The following NFIB variants were observed in gnomAD, a reference collection of about 807,000 sequenced individuals.
NFIB encodes nuclear factor I B, also known as nuclear factor 1 B-type.
Under a neutral mutation model 61.5 loss-of-function variants are expected in NFIB, and 11 were observed. That is an observed-to-expected ratio of 0.18 (90% CI 0.11 to 0.30). The LOEUF is 0.30. Among genes scored for constraint, NFIB ranks in the 10% least tolerant of loss-of-function variants. The pLI, the probability that NFIB is intolerant of heterozygous loss-of-function variation, is 1.00. For synonymous variants in NFIB, 260 were observed against 216.5 expected (o/e 1.20, Z -1.76); for missense variants, 471 against 608.9 (o/e 0.77, Z 2.38).
chr9:14,501,732 G>C, the NFIB span, among the ~76,000 whole-genome samples: 4 of 152,196 alleles, frequency 2.6e-5, no homozygotes, highest in African/African-American at 4.8e-5. Context: ...CCCCCTGCAG[G>C]GGTGCAATGA....
chr9:14,213,282 A>C (rs2050503022), intron 2 of NFIB, among the ~76,000 whole-genome samples: 1 of 151,858 alleles, frequency 6.6e-6, no homozygotes, highest in Non-Finnish European at 1.5e-5. Context: ...TTGGAAAGTT[A>C]CCTATCCACC....
intron 3 of NFIB, among the ~76,000 whole-genome samples, chr9:14,175,944 A>G (rs1409393828): frequency 4.6e-5 from 7 of 152,198 alleles, no homozygotes; most frequent in African/African-American, 7.2e-5. Context: ...CTAGATTGCT[A>G]TGTTTTCCTT....
chr9:14,256,133 G>C (rs975474789), intron 2 of NFIB, among the ~76,000 whole-genome samples: 6 of 152,076 alleles, frequency 3.9e-5, no homozygotes, highest in African/African-American at 1.2e-4. Context: ...TATTCATTTT[G>C]ACCCACTTTT....
chr9:14,301,426 T>C (rs879373966), intron 2 of NFIB, among the ~76,000 whole-genome samples: 1 of 152,238 alleles, frequency 6.6e-6, no homozygotes, highest in African/African-American at 2.4e-5. Flanking sequence ...TTTGTAGTGC[T>C]GTATATACAG....
chr9:14,438,954 T>C, the NFIB span, among the ~76,000 whole-genome samples: 4 of 152,024 alleles, frequency 2.6e-5, no homozygotes. Context: ...ACATTTTCTC[T>C]TACCATCACA....
chr9:14,096,345 T>C (rs1223730423), intron 10 of NFIB: 1 of 152,180 alleles, frequency 6.6e-6, no homozygotes, highest in East Asian at 1.9e-4. Context: ...ATTAAGTTTG[T>C]CCTACCTAAG....
At chr9:14,343,828 G>C (rs1420298134) in intron 1 of NFIB, among the ~76,000 whole-genome samples, 1 of 132,566 alleles carries the variant, frequency 7.5e-6, no homozygotes, top group Non-Finnish European at 1.5e-5. Flanking sequence ...GGGACAAGGG[G>C]GGGTCGGGGG....
chr9:14,294,100 G>C (rs563938265), intron 2 of NFIB, among the ~76,000 whole-genome samples: 11 of 152,296 alleles, frequency 7.2e-5, no homozygotes, highest in Admixed American at 2.0e-4. Context: ...AGGCCCTAAT[G>C]CTGTGTTTGT....
At chr9:14,293,359 G>A (rs72700515) in intron 2 of NFIB, among the ~76,000 whole-genome samples, 1 of 152,128 alleles carries the variant, frequency 6.6e-6, no homozygotes, top group Non-Finnish European at 1.5e-5. Flanking sequence ...ATATATGCAC[G>A]CAATCTGTCC....
intron 2 of NFIB, among the ~76,000 whole-genome samples, chr9:14,243,673 T>C (rs2054578681): frequency 6.6e-6 from 1 of 152,146 alleles, no homozygotes; most frequent in South Asian, 2.1e-4. Flanking sequence ...TCTTATTGTA[T>C]TTCATTTTTT....
the NFIB span, among the ~76,000 whole-genome samples, chr9:14,497,339 T>C: frequency 1.6e-4 from 25 of 152,214 alleles, no homozygotes; most frequent in Admixed American, 1.2e-3. Flanking sequence ...TAAAAGTTAT[T>C]ACAGGAGTGC....
chr9:14,218,588 A>G (rs1755088057), intron 2 of NFIB, among the ~76,000 whole-genome samples: 1 of 152,236 alleles, frequency 6.6e-6, no homozygotes, highest in Admixed American at 6.5e-5. Flanking sequence ...ATCAATGAAC[A>G]AATGAATTTT....
At chr9:14,113,248 T>C (rs2037653558) in intron 9 of NFIB, among the ~76,000 whole-genome samples, 167 bp from the exon 10 acceptor site, 1 of 152,030 alleles carries the variant, frequency 6.6e-6, no homozygotes, top group South Asian at 2.1e-4. Flanking sequence ...AGAAAAGAAA[T>C]AATAATTGAC....
At chr9:14,172,809 A>T (rs1480648476) in intron 3 of NFIB, among the ~76,000 whole-genome samples, 1 of 151,600 alleles carries the variant, frequency 6.6e-6, no homozygotes, top group Non-Finnish European at 1.5e-5. Flanking sequence ...TCACTCTGCC[A>T]CCCAGGCTGC....
At chr9:14,156,089 A>T (rs73411954) in intron 3 of NFIB, among the ~76,000 whole-genome samples, 196 bp from the exon 4 acceptor site, 3,320 of 152,288 alleles carry the variant, frequency 0.022, 105 homozygotes, top group African/African-American at 0.074. Context: ...TTAGATACCA[A>T]ATAATCTCTT....
At position 14,258,430 on chromosome 9, in the gene NFIB, C is replaced by G. The variant is rs562273943; in HGVS notation, c.562+48559G>C. Among the ~76,000 whole-genome samples the G allele has an allele frequency of 7.2e-5, 11 of 152,328 alleles. No individual in the cohort carries two copies. The East Asian group carries it at 2.1e-3, about 29-fold the overall frequency. On this transcript the variant is annotated intron_variant, in intron 2 of 10. Transcript: ENST00000380953. The stretch of plus-strand genomic sequence containing the variant: ...TGTGCTGCCTTTCCAGGCCTGCTCT[C>G]CCAGCCAGAACTTCTTCTGCCATGG...
the NFIB span, among the ~76,000 whole-genome samples, chr9:14,505,055 T>C: frequency 1.3e-5 from 2 of 152,206 alleles, no homozygotes; most frequent in Non-Finnish European, 2.9e-5. Flanking sequence ...CGCTGGATTA[T>C]CTCAAATACT....
At chr9:14,309,304 A>G (rs1299349312) in intron 1 of NFIB, among the ~76,000 whole-genome samples, 2 of 152,230 alleles carry the variant, frequency 1.3e-5, no homozygotes, top group Non-Finnish European at 2.9e-5. Flanking sequence ...TACAGACTGC[A>G]ACATGTTAGC....
chr9:14,454,781 C>T, the NFIB span, among the ~76,000 whole-genome samples: 1 of 152,178 alleles, frequency 6.6e-6, no homozygotes, highest in South Asian at 2.1e-4. Context: ...AAAGCTTAGT[C>T]ACATGCCTTG....
Sources: gnomAD v4.1 joint callset for allele counts (sites outside exome capture counted in the v4.1 genomes callset) on GRCh38, gnomAD v4.1.1 for gene constraint, MANE v1.5 for transcripts, NCBI Gene and HGNC (gene_info 2026-07-23, HGNC 2026-07-21) for gene names.